MALRD1: variants seen among roughly 807,000 people sequenced by gnomAD.
MALRD1 encodes MAM and LDL-receptor class A domain-containing protein 1.
A neutral mutation model predicts 242.1 loss-of-function variants in MALRD1; 247 were observed. The observed-to-expected ratio is 1.02, with a 90% CI of 0.92 to 1.13. The LOEUF (loss-of-function observed/expected upper bound fraction) is 1.13. Among genes scored for constraint, MALRD1 ranks in the 50% most tolerant of loss-of-function variants. The probability of loss-of-function intolerance (pLI) is 0.00; values close to 1 mark genes in which losing one functional copy is unlikely to be tolerated. For missense variants in MALRD1, 2,989 were observed against 2,533.1 expected, an observed-to-expected ratio of 1.18 and a Z score of -3.86; for synonymous variants, 995 against 866.6, an observed-to-expected ratio of 1.15 and a Z score of -2.60.
chr10:19,493,777 C>T (rs1318952075), intron 30 of MALRD1, among the ~76,000 whole-genome samples: 1 of 152,006 alleles, frequency 6.6e-6, no homozygotes, highest in Non-Finnish European at 1.5e-5. Context: ...TGTACCACTG[C>T]ACTCCAGCCT....
chr10:19,103,321 G>A (rs1226913019), intron 4 of MALRD1, among the ~76,000 whole-genome samples: 5 of 152,012 alleles, frequency 3.3e-5, no homozygotes, highest in Admixed American at 1.3e-4. Context: ...CAACACTTTG[G>A]GAGGCCGAGG....
At chr10:19,383,586 G>C (rs1018851925) in intron 26 of MALRD1, among the ~76,000 whole-genome samples, 1 of 151,786 alleles carries the variant, frequency 6.6e-6, no homozygotes, top group Non-Finnish European at 1.5e-5. Flanking sequence ...TGAATTGAGA[G>C]TTACTAAGTA....
At chr10:19,137,673 T>C (rs1419645400) in intron 10 of MALRD1, among the ~76,000 whole-genome samples, 1 of 150,136 alleles carries the variant, frequency 6.7e-6, no homozygotes, top group African/African-American at 2.5e-5. Context: ...AGGGCCAAAG[T>C]GCCCCAACAC....
intron 26 of MALRD1, among the ~76,000 whole-genome samples, chr10:19,381,417 A>G (rs1364288775): frequency 1.3e-5 from 2 of 151,988 alleles, no homozygotes; most frequent in Non-Finnish European, 2.9e-5. Context: ...TTTGGTGACA[A>G]AGTCTTTCAC....
intron 36 of MALRD1, among the ~76,000 whole-genome samples, chr10:19,641,148 AT>A (rs1369733462): frequency 2.0e-5 from 3 of 152,122 alleles, no homozygotes; most frequent in Non-Finnish European, 4.4e-5. Context: ...ATGGCGGGTA[AT>A]TTTTTTAGGA....
chr10:19,608,874 T>C (rs965380973), intron 35 of MALRD1, among the ~76,000 whole-genome samples: 1 of 152,078 alleles, frequency 6.6e-6, no homozygotes, highest in African/African-American at 2.4e-5. Flanking sequence ...GGATACTCTG[T>C]CACTTTCTCT....
At chr10:19,488,797 C>T (rs1046967184) in intron 29 of MALRD1, 2 of 325,974 alleles carry the variant, frequency 6.1e-6, no homozygotes, top group Non-Finnish European at 1.2e-5. Context: ...TCGGTCCCCA[C>T]CTGTACAACG....
chr10:19,153,351 T>C (rs141269970), intron 11 of MALRD1, among the ~76,000 whole-genome samples: 25 of 152,294 alleles, frequency 1.6e-4, no homozygotes, highest in Admixed American at 1.5e-3. Flanking sequence ...CTAATATGAA[T>C]CAGGGAGCTC....
At chr10:19,262,025 C>A (rs1036794823) in intron 19 of MALRD1, among the ~76,000 whole-genome samples, 1 of 151,960 alleles carries the variant, frequency 6.6e-6, no homozygotes, top group Admixed American at 6.6e-5. Flanking sequence ...AGTTTTTATG[C>A]CCTTAAATTA....
In MALRD1 at chr10:19,692,572, T is replaced by A. The variant is rs769549027; in HGVS notation, c.6314+18T>A. 69 of 1,516,372 alleles carry A rather than the reference T, an allele frequency of 4.6e-5. 1 individual carries two copies. The South Asian group carries it at 8.3e-4, about 18-fold the overall frequency. The allele number at this position is 1,516,372 out of a possible 1,614,324, so 93.9% of individuals were successfully genotyped here. ...CCAATAAGGTAAGTGATGCCTTTAG[T>A]TGCTAAATGAAATATACCGTAGCAG... On this transcript the variant is annotated intron_variant, in intron 38 of 39. Transcript: ENST00000454679.
intron 26 of MALRD1, among the ~76,000 whole-genome samples, chr10:19,353,868 TTTTGTTTG>T (rs532642522): frequency 4.6e-5 from 7 of 151,706 alleles, no homozygotes; most frequent in Non-Finnish European, 4.4e-5. Context: ...TTTCTGGTGG[TTTTGTTTG>T]TTTGTTTGTT....
chr10:19,298,874 G>A lies in MALRD1; in HGVS notation c.3419+15693G>A, dbSNP rs1009174539. Reference sequence around the variant, plus strand: ...TCAACGTTTATCTTCTTAGGGAGGAGATAACATCATCCAGACCCTCAAATC... The same window carrying A: ...TCAACGTTTATCTTCTTAGGGAGGAAATAACATCATCCAGACCCTCAAATC... On this transcript the variant is annotated intron_variant, in intron 21 of 39. Transcript: ENST00000454679. Among the ~76,000 whole-genome samples, 21 of 151,836 alleles carry A rather than the reference G, an allele frequency of 1.4e-4. 1 individual carries two copies. The highest frequency in any genetic ancestry group is 5.1e-4 in the African/African-American group (21 of 41,356).
intron 18 of MALRD1, among the ~76,000 whole-genome samples, chr10:19,225,447 A>G (rs1837754450): frequency 6.6e-6 from 1 of 152,116 alleles, no homozygotes; most frequent in South Asian, 2.1e-4. Flanking sequence ...CTATACTTTC[A>G]TGTCTTTAAA....
chr10:19,576,173 T>G (rs1836814637), intron 33 of MALRD1, among the ~76,000 whole-genome samples: 1 of 152,208 alleles, frequency 6.6e-6, no homozygotes, highest in South Asian at 2.1e-4. Flanking sequence ...TGCCTTCAAG[T>G]AATAGCTTTG....
At chr10:19,420,334 AC>A (rs1833677092) in intron 28 of MALRD1, among the ~76,000 whole-genome samples, 1 of 152,140 alleles carries the variant, frequency 6.6e-6, no homozygotes, top group African/African-American at 2.4e-5. Context: ...TAATCGAAAA[AC>A]GTTGCTGTAT....
At chr10:19,488,174 A>G (rs758412792) in intron 29 of MALRD1, among the ~76,000 whole-genome samples, 2 of 152,242 alleles carry the variant, frequency 1.3e-5, no homozygotes, top group Non-Finnish European at 1.5e-5. Flanking sequence ...TGATGAAATA[A>G]TATTTAAATA....
Position 19,464,384 on chromosome 10 carries a change from G to A in MALRD1, c.5029+13894G>A, listed in dbSNP as rs534515227. Among the ~76,000 whole-genome samples, 8 of 152,232 alleles carry A rather than the reference G, an allele frequency of 5.3e-5. No individual in the cohort carries two copies. The East Asian group carries it at 9.7e-4, about 18-fold the overall frequency. The stretch of plus-strand genomic sequence containing the variant: ...CTTGATCCATCTTGAGTTGATTTTT[G>A]TATAAGGTGAGAGATGAGGACCCAG... On this transcript the variant is annotated intron_variant, in intron 29 of 39. Coordinates refer to ENST00000454679, the MANE Select transcript of MALRD1 (RefSeq NM_001142308.3).
In MALRD1 at chr10:19,450,419, A is replaced by G. The variant is rs1012834237; in HGVS notation, c.4958A>G (p.Gln1653Arg). 5 of 1,550,508 alleles carry G rather than the reference A, an allele frequency of 3.2e-6. No homozygotes were observed. The highest frequency in any genetic ancestry group is 1.4e-5 in the African/African-American group (1 of 73,060). ...GKLRNFEVIF[Q>R]GIRTRDLGGG... ...TTAAGGAATTTTGAAGTCATATTTC[A>G]AGGTATCAGAACAAGGGACCTGGGA... The change falls in exon 29 of 40, where the codon CAA becomes CGA. Residue 1653 changes from glutamine to arginine, a missense_variant. Physicochemically the swap from Gln to Arg is conservative, Grantham distance 43. Transcript: ENST00000454679.
At chr10:19,265,303 G>T (rs922002494) in intron 19 of MALRD1, among the ~76,000 whole-genome samples, 2 of 151,550 alleles carry the variant, frequency 1.3e-5, no homozygotes, top group African/African-American at 2.4e-5. Context: ...GAGGTATAAA[G>T]ATAGATTGCT....
Sources: gnomAD v4.1 joint callset for allele counts (sites outside exome capture counted in the v4.1 genomes callset) on GRCh38, gnomAD v4.1.1 for gene constraint, MANE v1.5 for transcripts, NCBI Gene and HGNC (gene_info 2026-07-23, HGNC 2026-07-21) for gene names.